The following DOK6 variants were observed in gnomAD, a reference collection of about 807,000 sequenced individuals.
The protein encoded by DOK6 is downstream of tyrosine kinase 6.
A neutral mutation model predicts 44.0 loss-of-function variants in DOK6; 22 were observed. The ratio of observed to expected loss-of-function variants is 0.50; its 90% CI spans 0.36 to 0.71. The LOEUF is 0.71. Ranked by LOEUF, DOK6 falls within the 30% of genes least tolerant of loss-of-function variation. The pLI is 0.00. For missense variants in DOK6, 340 were observed against 416.4 expected (o/e 0.82, Z 1.60); for synonymous variants, 166 against 145.5 (o/e 1.14, Z -1.01).
intron 1 of DOK6, among the ~76,000 whole-genome samples, chr18:69,507,651 G>A (rs937071256): frequency 9.2e-5 from 14 of 152,004 alleles, no homozygotes; most frequent in African/African-American, 3.1e-4. Flanking sequence ...TCATGGTGCT[G>A]TTGTAAAAGG....
chr18:69,523,658 A>ATT (rs35778547), intron 1 of DOK6, among the ~76,000 whole-genome samples: 10 of 149,916 alleles, frequency 6.7e-5, no homozygotes, highest in East Asian at 1.9e-4. Context: ...CAAAGAAACA[A>ATT]TTTTTTTTTT....
chr18:69,828,217 CATT>C (rs1981798010), intron 7 of DOK6, among the ~76,000 whole-genome samples: 1 of 151,740 alleles, frequency 6.6e-6, no homozygotes, highest in South Asian at 2.1e-4. Flanking sequence ...CTGAATTTTT[CATT>C]ATATTTTCCC....
At chr18:69,470,887 G>T (rs72957440) in intron 1 of DOK6, among the ~76,000 whole-genome samples, 1 of 152,034 alleles carries the variant, frequency 6.6e-6, no homozygotes, top group African/African-American at 2.4e-5. Context: ...TTTAGAGGAG[G>T]GGGCTCAGAG....
intron 5 of DOK6, among the ~76,000 whole-genome samples, chr18:69,705,872 T>C (rs1986621040): frequency 6.6e-6 from 1 of 151,240 alleles, no homozygotes; most frequent in South Asian, 2.1e-4. Flanking sequence ...GGAATAAAAT[T>C]AAAAACAAAA....
intron 1 of DOK6, among the ~76,000 whole-genome samples, chr18:69,560,238 GT>G (rs1982795156): frequency 6.6e-6 from 1 of 152,116 alleles, no homozygotes; most frequent in African/African-American, 2.4e-5. Context: ...AAATTAAATT[GT>G]TGTGACTAAA....
rs554062487 is a variant in DOK6 at position 69,625,161 on chromosome 18, C to A, written c.289+25663C>A. Among the ~76,000 whole-genome samples, 12 of 152,198 alleles carry A rather than the reference C, an allele frequency of 7.9e-5. No homozygotes were observed. The South Asian group carries it at 2.5e-3, about 32-fold the overall frequency. ...AAATGCCATTTAAAAGGCTAGAAAG[C>A]AATGCAGTAGGTGACCTAAGAATGC... On this transcript the variant is annotated intron_variant, in intron 3 of 7. Coordinates refer to ENST00000382713, the MANE Select transcript of DOK6 (RefSeq NM_152721.6).
At chr18:69,500,160 C>T (rs367666039) in intron 1 of DOK6, among the ~76,000 whole-genome samples, 98 of 152,218 alleles carry the variant, frequency 6.4e-4, no homozygotes, top group African/African-American at 2.2e-3. Context: ...AATGGTTTCC[C>T]ATAATTGCTG....
rs1985956870 is a variant in DOK6 at position 69,677,792 on chromosome 18, C to T, written c.348C>T (p.Leu116=). The change falls in exon 4 of 8, where the codon CTC becomes CTT. Residue 116 remains leucine (L), a synonymous_variant. Coordinates refer to ENST00000382713, the MANE Select transcript of DOK6 (RefSeq NM_152721.6). The part of the protein sequence containing the change: ...HLCMECLGTR[L]NDISLGEPDL... ...GCATGGAGTGTCTGGGGACCAGGCT[C>T]AATGATATCAGCCTTGGGGAGCCCG... 1.9e-6 allele frequency: 3 copies of T among 1,613,888 alleles called. No individual in the cohort carries two copies. Among genetic ancestry groups the T allele is most frequent in the Non-Finnish European group, 2.5e-6 (3 of 1,179,860 alleles).
At position 69,674,049 on chromosome 18, in the gene DOK6, A is replaced by T. The variant is rs182625430; in HGVS notation, c.290-3685A>T. On this transcript the variant is annotated intron_variant, in intron 3 of 7. Coordinates refer to ENST00000382713, the MANE Select transcript of DOK6 (RefSeq NM_152721.6). ...TATTGAATCTCTGTTCTGTAAAAAA[A>T]TATAAAAATGAAAGGTGAAAGATAA... 1.8e-3 allele frequency among the ~76,000 whole-genome samples: 279 copies of T among 152,342 alleles called. 1 individual carries two copies. The highest frequency in any genetic ancestry group is 6.4e-3 in the African/African-American group (268 of 41,582).
chr18:69,437,012 T>C (rs1390614102), intron 1 of DOK6, among the ~76,000 whole-genome samples: 2 of 152,240 alleles, frequency 1.3e-5, no homozygotes, highest in African/African-American at 4.8e-5. Flanking sequence ...TGTATGTTTT[T>C]TTCTTGTAAA....
chr18:69,552,848 C>G (rs1982598569), intron 1 of DOK6, among the ~76,000 whole-genome samples: 1 of 152,228 alleles, frequency 6.6e-6, no homozygotes, highest in Non-Finnish European at 1.5e-5. Context: ...GAAAGTGGAA[C>G]TCTTTGAAAA....
intron 3 of DOK6, among the ~76,000 whole-genome samples, chr18:69,614,817 G>A (rs957437449): frequency 2.0e-5 from 3 of 150,304 alleles, no homozygotes; most frequent in Admixed American, 1.3e-4. Flanking sequence ...ACACACATAT[G>A]TGTGTGTGTG....
At chr18:69,598,542 A>G (rs573010167) in intron 2 of DOK6, among the ~76,000 whole-genome samples, 6 of 152,246 alleles carry the variant, frequency 3.9e-5, no homozygotes, top group Admixed American at 3.3e-4. Flanking sequence ...ATCTAGAAAT[A>G]AGAAATCTTA....
At chr18:69,829,109 C>T (rs1981831596) in intron 7 of DOK6, among the ~76,000 whole-genome samples, 1 of 149,702 alleles carries the variant, frequency 6.7e-6, no homozygotes, top group Non-Finnish European at 1.5e-5. Flanking sequence ...ACCACTTGAA[C>T]ATATAATTAA....
At chr18:69,614,296 CAAAATCATCCTTGAATTCAAAA>C (rs1189638026) in intron 3 of DOK6, among the ~76,000 whole-genome samples, 3 of 151,930 alleles carry the variant, frequency 2.0e-5, no homozygotes, top group South Asian at 2.1e-4. Flanking sequence ...AGATGCTGTC[CAAAATCATCCTTGAATTCAAAA>C]AAAATCATCC....
At chr18:69,506,435 C>A (rs1319983791) in intron 1 of DOK6, among the ~76,000 whole-genome samples, 1 of 152,136 alleles carries the variant, frequency 6.6e-6, no homozygotes, top group Non-Finnish European at 1.5e-5. Context: ...CCCCTGACAA[C>A]CTATGATTTG....
intron 1 of DOK6, among the ~76,000 whole-genome samples, chr18:69,462,753 A>C (rs1979821845): frequency 6.6e-6 from 1 of 152,234 alleles, no homozygotes; most frequent in South Asian, 2.1e-4. Context: ...GAATTCAACA[A>C]ATCCAGATTA....
intron 2 of DOK6, among the ~76,000 whole-genome samples, chr18:69,581,531 T>G (rs776794586): frequency 1.3e-5 from 2 of 152,142 alleles, no homozygotes; most frequent in Non-Finnish European, 2.9e-5. Context: ...GCTGACAAAA[T>G]TAAGAGATCC....
chr18:69,420,813 G>GAT (rs1444466165), intron 1 of DOK6, among the ~76,000 whole-genome samples: 1 of 152,136 alleles, frequency 6.6e-6, no homozygotes, highest in Non-Finnish European at 1.5e-5. Context: ...TGAGGATGCC[G>GAT]ATTGGTGTGC....
Sources: allele counts gnomAD v4.1 joint callset (sites outside exome capture counted in the v4.1 genomes callset), GRCh38; gene constraint gnomAD v4.1.1; transcripts MANE v1.5; gene names NCBI Gene and HGNC (gene_info 2026-07-23, HGNC 2026-07-21).